The following SH3D19 variants were observed in gnomAD, a reference collection of about 807,000 sequenced individuals.
SH3D19 encodes the protein SH3 domain containing 19, also known as SH3 domain-containing protein 19.
SH3D19 carries 58 observed loss-of-function variants against 112.1 expected under a neutral mutation model. The ratio of observed to expected loss-of-function variants is 0.52; its 90% CI spans 0.42 to 0.64. The LOEUF (loss-of-function observed/expected upper bound fraction) is 0.64, where lower values mean the gene tolerates loss of function less well. Among genes scored for constraint, SH3D19 ranks in the 30% least tolerant of loss-of-function variants. The pLI is 0.00. For missense variants in SH3D19, 1,090 were observed against 1,263.4 expected, an observed-to-expected ratio of 0.86 and a Z score of 2.08; for synonymous variants, 391 against 448.5, an observed-to-expected ratio of 0.87 and a Z score of 1.62.
intron 1 of SH3D19, among the ~76,000 whole-genome samples, chr4:151,254,145 AG>A (rs1490023672): frequency 1.3e-5 from 2 of 152,236 alleles, no homozygotes; most frequent in Non-Finnish European, 2.9e-5. Flanking sequence ...TGAAAATGTC[AG>A]GCAAATGTAA....
intron 18 of SH3D19, 62 bp from the exon 19 acceptor site, chr4:151,127,777 AT>A: frequency 2.1e-6 from 2 of 952,944 alleles, no homozygotes; most frequent in African/African-American, 1.7e-5. Flanking sequence ...CAAATCTAAC[AT>A]TTTTTAAAAA....
chr4:151,178,420 G>T (rs1760291396), intron 4 of SH3D19, among the ~76,000 whole-genome samples: 1 of 152,210 alleles, frequency 6.6e-6, no homozygotes, highest in Non-Finnish European at 1.5e-5. Context: ...ATGCTACATT[G>T]TGAAACAGTA....
At chr4:151,239,397 C>G (rs1005158917) in intron 1 of SH3D19, among the ~76,000 whole-genome samples, 1 of 151,978 alleles carries the variant, frequency 6.6e-6, no homozygotes, top group African/African-American at 2.4e-5. Flanking sequence ...AGCTAAAAAG[C>G]CTCTGTGTTG....
At chr4:151,182,132 G>A (rs1761057755) in intron 3 of SH3D19, among the ~76,000 whole-genome samples, 2 of 152,096 alleles carry the variant, frequency 1.3e-5, no homozygotes, top group Non-Finnish European at 2.9e-5. Context: ...GGGACTACAG[G>A]CATGCACGAC....
chr4:151,283,529 TA>T (rs1287653710), intron 1 of SH3D19, among the ~76,000 whole-genome samples: 977 of 97,614 alleles, frequency 0.01, 8 homozygotes, highest in African/African-American at 0.025. Context: ...TTTTTTTTTT[TA>T]AATTAGAGAC....
chr4:151,157,320 C>A (rs532667575), intron 9 of SH3D19, among the ~76,000 whole-genome samples: 2 of 150,500 alleles, frequency 1.3e-5, no homozygotes, highest in South Asian at 4.2e-4. Context: ...AAATGGCCAA[C>A]AAATACATTA....
At chr4:151,253,849 CTA>C (rs1227192645) in intron 1 of SH3D19, among the ~76,000 whole-genome samples, 1 of 152,134 alleles carries the variant, frequency 6.6e-6, no homozygotes, top group Non-Finnish European at 1.5e-5. Flanking sequence ...GAGGCTTTTT[CTA>C]TGTTTTCATA....
chr4:151,213,028 T>C (rs563047955), intron 2 of SH3D19, among the ~76,000 whole-genome samples: 6 of 152,268 alleles, frequency 3.9e-5, no homozygotes, highest in African/African-American at 1.4e-4. Flanking sequence ...GCAAGAGAAC[T>C]AGAATTAGAA....
At chr4:151,135,164 A>G (rs1561205612) in intron 14 of SH3D19, 32 bp from the exon 15 acceptor site, 2 of 1,533,262 alleles carry the variant, frequency 1.3e-6, no homozygotes, top group African/African-American at 2.8e-5. Context: ...CAACAATTAT[A>G]TTTTTTTCAG....
intron 1 of SH3D19, among the ~76,000 whole-genome samples, chr4:151,288,331 A>G (rs1775017236): frequency 6.6e-6 from 1 of 152,212 alleles, no homozygotes; most frequent in African/African-American, 2.4e-5. Flanking sequence ...AAACAGTAAA[A>G]CTATCTCTAG....
chr4:151,205,137 G>A (rs1460002849), intron 2 of SH3D19, among the ~76,000 whole-genome samples: 5 of 152,020 alleles, frequency 3.3e-5, no homozygotes, highest in Non-Finnish European at 7.4e-5. Context: ...TGTTCTTTAC[G>A]CAAATAGAAG....
chr4:151,303,920 T>C (rs1728689379), intron 1 of SH3D19, among the ~76,000 whole-genome samples: 1 of 151,418 alleles, frequency 6.6e-6, no homozygotes, highest in Admixed American at 6.6e-5. Flanking sequence ...GTTAAGAGTA[T>C]CCCTACCTTC....
chr4:151,166,661 T>C (rs1384115494), intron 7 of SH3D19, among the ~76,000 whole-genome samples: 1 of 152,216 alleles, frequency 6.6e-6, no homozygotes, highest in Non-Finnish European at 1.5e-5. Flanking sequence ...ACCTGTTCTA[T>C]GTATCTTGCC....
At chr4:151,235,777 C>T (rs1300840120) in intron 1 of SH3D19, among the ~76,000 whole-genome samples, 1 of 137,450 alleles carries the variant, frequency 7.3e-6, no homozygotes, top group East Asian at 3.0e-4. Flanking sequence ...AAGAGCAAGA[C>T]TCTGTCTCAA....
intron 1 of SH3D19, among the ~76,000 whole-genome samples, chr4:151,283,963 G>A (rs892467490): frequency 6.6e-6 from 1 of 152,178 alleles, no homozygotes; most frequent in Non-Finnish European, 1.5e-5. Flanking sequence ...TCCATGGAGT[G>A]TAATGTGTTG....
At chr4:151,182,309 G>A (rs75450815) in intron 3 of SH3D19, among the ~76,000 whole-genome samples, 6,167 of 152,080 alleles carry the variant, frequency 0.041, 377 homozygotes, top group African/African-American at 0.14. Context: ...TTTTAACAAC[G>A]GTTTTAAAAA....
At chr4:151,285,396 T>C (rs1774647632) in intron 1 of SH3D19, among the ~76,000 whole-genome samples, 1 of 152,202 alleles carries the variant, frequency 6.6e-6, no homozygotes, top group African/African-American at 2.4e-5. Flanking sequence ...ATTAAAATTA[T>C]ACAAATTATA....
At chr4:151,222,478 C>T (rs1768222442) in intron 2 of SH3D19, among the ~76,000 whole-genome samples, 1 of 152,046 alleles carries the variant, frequency 6.6e-6, no homozygotes, top group Non-Finnish European at 1.5e-5. Context: ...ATCACATTCT[C>T]CTGCATAATA....
intron 4 of SH3D19, among the ~76,000 whole-genome samples, 193 bp from the exon 5 acceptor site, chr4:151,177,148 C>G (rs1415572853): frequency 6.6e-6 from 1 of 152,234 alleles, no homozygotes; most frequent in Non-Finnish European, 1.5e-5. Flanking sequence ...GAGCAAATGA[C>G]AATCATCCTC....
Sources: gnomAD v4.1 joint callset for allele counts (sites outside exome capture counted in the v4.1 genomes callset) on GRCh38, gnomAD v4.1.1 for gene constraint, MANE v1.5 for transcripts, NCBI Gene and HGNC (gene_info 2026-07-23, HGNC 2026-07-21) for gene names.